Variants in FHIT observed in about 807,000 individuals in gnomAD.
The protein encoded by FHIT is fragile histidine triad diadenosine triphosphatase.
Under a neutral mutation model 17.9 loss-of-function variants are expected in FHIT, and 19 were observed. The observed-to-expected ratio is 1.06, with a 90% confidence interval of 0.74 to 1.56. FHIT has a LOEUF of 1.56. Ranked by LOEUF, FHIT falls within the 40% of genes most tolerant of loss-of-function variation. The pLI is 0.00. For synonymous variants in FHIT, 81 were observed against 69.7 expected (o/e 1.16, Z -0.81); for missense variants, 248 against 189.2 (o/e 1.31, Z -1.82).
intron 5 of FHIT, among the ~76,000 whole-genome samples, chr3:60,280,642 T>A (rs213363): frequency 0.19 from 29,532 of 152,030 alleles, 3,109 homozygotes; most frequent in South Asian, 0.35. Flanking sequence ...CTCCACAGCT[T>A]CTGTGGGAGT....
At chr3:60,801,946 G>A (rs1408755243) in intron 4 of FHIT, among the ~76,000 whole-genome samples, 1 of 152,108 alleles carries the variant, frequency 6.6e-6, no homozygotes, top group Non-Finnish European at 1.5e-5. Flanking sequence ...GAAAGAAATC[G>A]GCAAAACAGA....
intron 5 of FHIT, among the ~76,000 whole-genome samples, chr3:60,466,275 G>GT (rs527283837): frequency 1.3e-5 from 2 of 151,958 alleles, no homozygotes; most frequent in African/African-American, 4.8e-5. Flanking sequence ...AGTTCTAATA[G>GT]TTTTTTGGTA....
At chr3:60,778,431 A>G (rs1311034517) in intron 4 of FHIT, among the ~76,000 whole-genome samples, 2 of 152,222 alleles carry the variant, frequency 1.3e-5, no homozygotes, top group Non-Finnish European at 2.9e-5. Context: ...ACAGGACTCA[A>G]AAGCTGAAAT....
intron 2 of FHIT, among the ~76,000 whole-genome samples, chr3:61,195,933 A>G (rs139490571): frequency 6.6e-6 from 1 of 152,326 alleles, no homozygotes; most frequent in Non-Finnish European, 1.5e-5. Context: ...CAAGAAAGAC[A>G]AAAAATTTTA....
intron 7 of FHIT, among the ~76,000 whole-genome samples, chr3:59,932,634 T>C (rs180821274): frequency 1.3e-5 from 2 of 152,220 alleles, no homozygotes; most frequent in Non-Finnish European, 2.9e-5. Flanking sequence ...GTAATCACAA[T>C]CAATTAAGAA....
In FHIT at chr3:60,142,669, C is replaced by T. The variant is rs181955008; in HGVS notation, c.104-128517G>A. On this transcript the variant is annotated intron_variant, in intron 5 of 9. Coordinates refer to ENST00000492590, the MANE Select transcript of FHIT (RefSeq NM_002012.4). Reference sequence around the variant, plus strand: ...GGTGCACACCACTATGCCCGGCTAACATTTTTGCGTTTCTTTTTTTTTTTC... The same window carrying T: ...GGTGCACACCACTATGCCCGGCTAATATTTTTGCGTTTCTTTTTTTTTTTC... 1.7e-3 allele frequency among the ~76,000 whole-genome samples: 255 copies of T among 150,106 alleles called. 2 individuals carry two copies. Among genetic ancestry groups the T allele is most frequent in the African/African-American group, 6.0e-3 (247 of 40,832 alleles).
At chr3:60,820,038 T>C (rs1259482549) in intron 4 of FHIT, among the ~76,000 whole-genome samples, 2 of 152,116 alleles carry the variant, frequency 1.3e-5, no homozygotes, top group Admixed American at 1.3e-4. Flanking sequence ...CCGGGAGTGA[T>C]GGCTCACACC....
intron 8 of FHIT, among the ~76,000 whole-genome samples, chr3:59,778,926 A>C (rs2106870206): frequency 6.6e-6 from 1 of 152,256 alleles, no homozygotes; most frequent in Admixed American, 6.5e-5. Context: ...TTTGTAAGAA[A>C]CCTCACAGTT....
chr3:60,617,741 TG>T (rs1553676502), intron 4 of FHIT: 1 of 154,124 alleles, frequency 6.5e-6, no homozygotes, highest in African/African-American at 2.4e-5. Context: ...TATCCAGATG[TG>T]GGGAAAAAAA....
intron 5 of FHIT, among the ~76,000 whole-genome samples, chr3:60,078,860 T>A (rs966478912): frequency 2.6e-5 from 4 of 151,486 alleles, no homozygotes; most frequent in Admixed American, 6.6e-5. Flanking sequence ...TCTGGGGATC[T>A]GAGGGAGGAG....
intron 2 of FHIT, among the ~76,000 whole-genome samples, chr3:61,150,647 T>G (rs2037361558): frequency 6.6e-6 from 1 of 152,136 alleles, no homozygotes; most frequent in Admixed American, 6.5e-5. Flanking sequence ...TTAAAGTATC[T>G]TTTGCACATT....
intron 5 of FHIT, among the ~76,000 whole-genome samples, chr3:60,283,887 A>G (rs1488909283): frequency 6.6e-6 from 1 of 152,134 alleles, no homozygotes; most frequent in East Asian, 1.9e-4. Flanking sequence ...AGGGCACTGC[A>G]GAAAGACAAT....
chr3:60,619,701 A>T (rs953859443), intron 4 of FHIT, among the ~76,000 whole-genome samples: 1 of 152,034 alleles, frequency 6.6e-6, no homozygotes, highest in Non-Finnish European at 1.5e-5. Flanking sequence ...TGTAAAATGT[A>T]AAACCATAGA....
intron 3 of FHIT, among the ~76,000 whole-genome samples, chr3:60,847,014 AG>A (rs1432058303): frequency 2.6e-5 from 4 of 151,992 alleles, no homozygotes; most frequent in Non-Finnish European, 5.9e-5. Context: ...AGTAGAAACA[AG>A]GTTTCACCAT....
intron 4 of FHIT, among the ~76,000 whole-genome samples, chr3:60,659,167 T>A (rs1235414560): frequency 6.6e-6 from 1 of 152,084 alleles, no homozygotes; most frequent in Non-Finnish European, 1.5e-5. Flanking sequence ...TCCTTCTACA[T>A]AATGAGTTGC....
chr3:60,227,779 G>A (rs1704287708), intron 5 of FHIT, among the ~76,000 whole-genome samples: 1 of 152,128 alleles, frequency 6.6e-6, no homozygotes, highest in African/African-American at 2.4e-5. Context: ...TAGAATGAAA[G>A]TGACTGATTC....
At chr3:60,130,784 G>GTATATACACACATATGTGTGTGTGTGTGT (rs148356992) in intron 5 of FHIT, among the ~76,000 whole-genome samples, 2,978 of 111,708 alleles carry the variant, frequency 0.027, 78 homozygotes, top group Non-Finnish European at 0.042. Context: ...GTGTGTGTGT[G>GTATATACACACATATGTGTGTGTGTGTGT]GTGTGTATAT....
At chr3:61,041,013 A>G (rs952873895) in intron 3 of FHIT, among the ~76,000 whole-genome samples, 3 of 152,064 alleles carry the variant, frequency 2.0e-5, no homozygotes, top group Non-Finnish European at 2.9e-5. Context: ...CTGCCCTGGT[A>G]TGCATCTTGG....
intron 5 of FHIT, among the ~76,000 whole-genome samples, chr3:60,232,276 G>A (rs572220145): frequency 6.6e-6 from 1 of 152,236 alleles, no homozygotes; most frequent in Non-Finnish European, 1.5e-5. Flanking sequence ...AGACTTTTCA[G>A]ATTTACTCAT....
Sources: allele counts gnomAD v4.1 joint callset (sites outside exome capture counted in the v4.1 genomes callset), GRCh38; gene constraint gnomAD v4.1.1; transcripts MANE v1.5; gene names NCBI Gene and HGNC (gene_info 2026-07-23, HGNC 2026-07-21).